The following CCDC136 variants were observed in gnomAD, a reference collection of about 807,000 sequenced individuals.
CCDC136 encodes the protein coiled-coil domain-containing protein 136.
A neutral mutation model predicts 141.2 loss-of-function variants in CCDC136; 100 were observed. The observed-to-expected ratio is 0.71, with a 90% confidence interval of 0.60 to 0.84. CCDC136 has a LOEUF of 0.84. CCDC136 is among the 40% of genes least tolerant of loss of function. The probability of loss-of-function intolerance (pLI) is 0.00; values close to 1 mark genes in which losing one functional copy is unlikely to be tolerated. For synonymous variants in CCDC136, 474 were observed against 531.9 expected (o/e 0.89, Z 1.50); for missense variants, 1,206 against 1,379.4 (o/e 0.87, Z 1.99).
At chr7:128,796,739 A>ATATATATATATTTTTT in intron 3 of CCDC136, among the ~76,000 whole-genome samples, 19 of 113,374 alleles carry the variant, frequency 1.7e-4, no homozygotes, top group African/African-American at 8.7e-4. Context: ...ATATATATAT[A>ATATATATATATTTTTT]TTCTTTTTTT....
intron 17 of CCDC136, among the ~76,000 whole-genome samples, chr7:128,820,121 C>A (rs2128928491): frequency 6.6e-6 from 1 of 152,316 alleles, no homozygotes; most frequent in African/African-American, 2.4e-5. Context: ...ACCTTCACAT[C>A]ATCTACAGGG....
chr7:128,808,248 G>T (rs980650855), intron 10 of CCDC136, among the ~76,000 whole-genome samples: 1 of 152,140 alleles, frequency 6.6e-6, no homozygotes, highest in Non-Finnish European at 1.5e-5. Context: ...TGTTGGTCAG[G>T]CTGGTCTCGA....
Position 128,811,956 on chromosome 7 carries a change from C to T in CCDC136, c.2185C>T (p.Leu729=). 1 of 1,613,970 alleles carries T rather than the reference C, an allele frequency of 6.2e-7. No individual in the cohort carries two copies. The highest frequency in any genetic ancestry group is 1.1e-5 in the South Asian group (1 of 91,086). ...GCAGCTCTGCCTGGAAGAAATGCAG[C>T]TGCTTCAAGTCCAGTCCCCTTCTAT... ...DLQLCLEEMQ[L]LQVQSPSIKM... The change falls in exon 13 of 18, where the codon CTG becomes TTG. Residue 729 remains leucine, a synonymous_variant. Coordinates refer to ENST00000297788, the MANE Select transcript of CCDC136 (RefSeq NM_022742.5).
In CCDC136 at chr7:128,794,296, G is replaced by T. The variant is rs550457700; in HGVS notation, c.17-52G>T. On this transcript the variant is annotated intron_variant, in intron 1 of 17. Coordinates refer to ENST00000297788, the MANE Select transcript of CCDC136 (RefSeq NM_022742.5). This position sits in a 1 kb window ranked among gnomAD's most constrained non-coding sequence, Gnocchi z 4.3. ...GTGAGTTTGAGGGCCCTGGAAGGACGGCAGAAAGGAAGTTGATGCTGACTC... is the reference window on the plus strand; with the variant it reads ...GTGAGTTTGAGGGCCCTGGAAGGACTGCAGAAAGGAAGTTGATGCTGACTC... The T allele has an allele frequency of 1.9e-6, 3 of 1,551,120 alleles. No homozygotes were observed. The South Asian group carries it at 3.6e-5, about 19-fold the overall frequency.
intron 16 of CCDC136, among the ~76,000 whole-genome samples, chr7:128,816,132 C>T (rs954647267): frequency 6.6e-6 from 1 of 152,244 alleles, no homozygotes; most frequent in African/African-American, 2.4e-5. Context: ...GGCTCAGCCC[C>T]GTTTGCTGTG....
chr7:128,806,091 G>C (rs186654575), intron 7 of CCDC136, 146 bp from the exon 8 acceptor site: 3 of 925,626 alleles, frequency 3.2e-6, no homozygotes, highest in Non-Finnish European at 4.8e-6. Flanking sequence ...GGTCATTACT[G>C]AGTGTCCATC....
chr7:128,807,340 G>T lies in CCDC136; in HGVS notation c.1420-20G>T. 1.4e-6 allele frequency: 2 copies of T among 1,442,100 alleles called. No individual in the cohort carries two copies. The highest frequency in any genetic ancestry group is 1.8e-6 in the Non-Finnish European group (2 of 1,088,504). 89.3% of individuals were successfully genotyped at this position (1,442,100 alleles called of 1,614,324 possible). ...GCAGGAGTGCCTGGGATGATGGCCA[G>T]GCCTGCCTCCCCTGCCCAGGACACA... On this transcript the variant is annotated intron_variant, in intron 9 of 17. Coordinates refer to ENST00000297788, the MANE Select transcript of CCDC136 (RefSeq NM_022742.5).
rs1286238970 is a variant in CCDC136, at chr7:128,815,637, C to T, written c.3069C>T (p.Tyr1023=). 1 of 1,555,690 alleles carries T rather than the reference C, an allele frequency of 6.4e-7. No individual in the cohort carries two copies. The highest frequency in any genetic ancestry group is 1.2e-5 in the South Asian group (1 of 84,140). Residue 1023 remains tyrosine, a synonymous_variant, in exon 16 of 18, where the codon TAC becomes TAT. Coordinates refer to ENST00000297788, the MANE Select transcript of CCDC136 (RefSeq NM_022742.5). ...AGAGTCTGGAGGTAGTGCTGTACTA[C>T]AAGGCCAGCCAGAGGAAATTAGATG... ...TRKSLEVVLY[Y]KASQRKLDGL...
At position 128,796,393 on chromosome 7, in the gene CCDC136, C is replaced by T. The variant is rs1802952567; in HGVS notation, c.346+1625C>T. On this transcript the variant is annotated intron_variant, in intron 3 of 17. Coordinates refer to ENST00000297788, the MANE Select transcript of CCDC136 (RefSeq NM_022742.5). ...TGTTTGAGCGACAGAACAGAGGCCA[C>T]TGTGTTTGCAGCAAAGTGCACGTGG... 2.6e-5 allele frequency among the ~76,000 whole-genome samples: 4 copies of T among 152,084 alleles called. No individual in the cohort carries two copies. In the South Asian group the frequency reaches 8.3e-4, roughly 32 times the overall value.
intron 10 of CCDC136, chr7:128,807,973 G>C (rs1258407647): frequency 6.6e-6 from 1 of 152,574 alleles, no homozygotes; most frequent in Non-Finnish European, 1.5e-5. Context: ...TGTGCCCAGA[G>C]TGCTGATTGG....
intron 16 of CCDC136, among the ~76,000 whole-genome samples, chr7:128,816,303 A>G (rs764231701): frequency 2.6e-5 from 4 of 152,208 alleles, no homozygotes; most frequent in African/African-American, 4.8e-5. Context: ...AGTCTACTTC[A>G]GGCCATTTCT....
chr7:128,805,993 G>A lies in CCDC136; in HGVS notation c.1089+92G>A. On this transcript the variant is annotated intron_variant, in intron 7 of 17. Coordinates refer to ENST00000297788, the MANE Select transcript of CCDC136 (RefSeq NM_022742.5). The surrounding 1 kb of genome is among the most constrained non-coding windows in gnomAD (Gnocchi z 4.6). ...CGGGGTGGGCACAGTGAGTATGGCTGTGCTCTGCTGACTCTTGCCCTGCAA... is the reference window on the plus strand; with the variant it reads ...CGGGGTGGGCACAGTGAGTATGGCTATGCTCTGCTGACTCTTGCCCTGCAA... 2.1e-6 allele frequency: 3 copies of A among 1,449,918 alleles called. No homozygotes were observed. The highest frequency in any genetic ancestry group is 2.3e-5 in the East Asian group (1 of 43,844). The allele number at this position is 1,449,918 out of a possible 1,614,324, so 89.8% of individuals were successfully genotyped here. A position where few individuals can be genotyped will look rare whatever the true frequency, so the allele number is the denominator to read the frequency against.
At position 128,821,998 on chromosome 7, in the gene CCDC136, T is replaced by C; in HGVS notation, c.*205T>C. The C allele has an allele frequency of 7.9e-7, 1 of 1,265,154 alleles. No individual in the cohort carries two copies. The highest frequency in any genetic ancestry group is 1.0e-6 in the Non-Finnish European group (1 of 973,874). 78.4% of individuals were successfully genotyped at this position (1,265,154 alleles called of 1,614,324 possible). On this transcript the variant is annotated 3_prime_UTR_variant, in exon 18 of 18. Transcript: ENST00000297788. This position sits in a 1 kb window ranked among gnomAD's most constrained non-coding sequence, Gnocchi z 5.1. Reference sequence around the variant, plus strand: ...ACACACTGTGCCAGAACCCTCCCCATATGTTCCATGTGTCCCCATCTCCTC... The same window carrying C: ...ACACACTGTGCCAGAACCCTCCCCACATGTTCCATGTGTCCCCATCTCCTC...
Position 128,821,871 on chromosome 7 carries a change from A to G in CCDC136, c.*78A>G. 1 of 1,290,194 alleles carries G rather than the reference A, an allele frequency of 7.8e-7. No individual in the cohort carries two copies. The highest frequency in any genetic ancestry group is 1.5e-5 in the African/African-American group (1 of 65,988). The allele number at this position is 1,290,194 out of a possible 1,614,324, so 79.9% of individuals were successfully genotyped here. On this transcript the variant is annotated 3_prime_UTR_variant, in exon 18 of 18. Coordinates refer to ENST00000297788, the MANE Select transcript of CCDC136 (RefSeq NM_022742.5). The surrounding 1 kb of genome is among the most constrained non-coding windows in gnomAD (Gnocchi z 5.1). ...TGTGGCTCTGTATGTGTTACCCAACATGCGACAGCAGGAGTCAGAGTTCTG... is the reference window on the plus strand; with the variant it reads ...TGTGGCTCTGTATGTGTTACCCAACGTGCGACAGCAGGAGTCAGAGTTCTG...
chr7:128,791,435 C>G, upstream of CCDC136: 1 of 1,249,896 alleles, frequency 8.0e-7, no homozygotes, highest in Non-Finnish European at 1.0e-6. This position sits in a 1 kb window ranked among gnomAD's most constrained non-coding sequence, Gnocchi z 7.1. Flanking sequence ...GGCTCGGGTC[C>G]CCGGGCTCGC....
In CCDC136 at chr7:128,794,600, A is replaced by G; in HGVS notation, c.269A>G (p.Gln90Arg). ...GQHEDDSLEL[Q>R]GLLEDERLAS... ...CATGAGGATGACTCCTTGGAGCTAC[A>G]GGGTGAGTGCCTGGGCCAGGGCCCA... The change falls in exon 2 of 18, where the codon CAG becomes CGG. Residue 90 changes from glutamine (Q) to arginine (R), a missense_variant and splice_region_variant. Transcript: ENST00000297788. The surrounding 1 kb of genome is among the most constrained non-coding windows in gnomAD (Gnocchi z 4.3). The G allele has an allele frequency of 6.5e-7, 1 of 1,547,992 alleles. No individual in the cohort carries two copies. The highest frequency in any genetic ancestry group is 8.7e-7 in the Non-Finnish European group (1 of 1,144,958).
rs866720375 is a variant in CCDC136 at position 128,817,692 on chromosome 7, C to T, written c.3364-66C>T. 3 of 1,032,298 alleles carry T rather than the reference C, an allele frequency of 2.9e-6. No individual in the cohort carries two copies. The highest frequency in any genetic ancestry group is 4.6e-6 in the Non-Finnish European group (3 of 648,368). 63.9% of individuals were successfully genotyped at this position (1,032,298 alleles called of 1,614,324 possible). A position where few individuals can be genotyped will look rare whatever the true frequency, so the allele number is the denominator to read the frequency against. On this transcript the variant is annotated intron_variant, in intron 16 of 17. Transcript: ENST00000297788. The surrounding 1 kb of genome is among the most constrained non-coding windows in gnomAD (Gnocchi z 4.6). Reference sequence around the variant, plus strand: ...TCTCATCTTCATTATCTGTTGGATCCATGCGTTTATGTCTCACATCTCCTG... The same window carrying T: ...TCTCATCTTCATTATCTGTTGGATCTATGCGTTTATGTCTCACATCTCCTG...
chr7:128,790,955 C>G (rs1802102770), upstream of CCDC136: 2 of 142,624 alleles, frequency 1.4e-5, no homozygotes. This position sits in a 1 kb window ranked among gnomAD's most constrained non-coding sequence, Gnocchi z 5.4. Context: ...GGCCTGGGGC[C>G]GGAGTCAGCG....
intron 17 of CCDC136, among the ~76,000 whole-genome samples, chr7:128,819,207 A>G (rs992199866): frequency 6.6e-6 from 1 of 152,220 alleles, no homozygotes. Context: ...GCCCGGCCCA[A>G]TCAGAGGGAG....
Sources: gnomAD v4.1 joint callset for allele counts (sites outside exome capture counted in the v4.1 genomes callset) on GRCh38, gnomAD v4.1.1 for gene constraint, Gnocchi (gnomAD v3.1) non-coding constraint, MANE v1.5 for transcripts, NCBI Gene and HGNC (gene_info 2026-07-23, HGNC 2026-07-21) for gene names.